PLB1: variants seen among roughly 807,000 people sequenced by gnomAD.
The protein encoded by PLB1 is phospholipase B1, membrane-associated.
PLB1 carries 242 observed loss-of-function variants against 227.4 expected under a neutral mutation model. The observed-to-expected ratio is 1.06, with a 90% CI of 0.96 to 1.18. The LOEUF (loss-of-function observed/expected upper bound fraction) is 1.18, where lower values mean the gene tolerates loss of function less well. Ranked by LOEUF, PLB1 falls within the 50% of genes most tolerant of loss-of-function variation. PLB1 has a pLI of 0.00. For synonymous variants in PLB1, 757 were observed against 682.2 expected, an observed-to-expected ratio of 1.11 and a Z score of -1.71; for missense variants, 1,858 against 1,816.3, an observed-to-expected ratio of 1.02 and a Z score of -0.42.
At chr2:28,505,341 A>G (rs1667531146) in intron 1 of PLB1, among the ~76,000 whole-genome samples, 1 of 152,248 alleles carries the variant, frequency 6.6e-6, no homozygotes, top group South Asian at 2.1e-4. Context: ...TCAACAAGCA[A>G]TACATATGAA....
intron 56 of PLB1, among the ~76,000 whole-genome samples, chr2:28,635,806 C>T (rs144102185): frequency 1.5e-4 from 23 of 152,128 alleles, no homozygotes; most frequent in African/African-American, 4.8e-4. Context: ...AGGCCTAGTC[C>T]TCTACTGCTG....
chr2:28,509,890 A>G (rs1668039690), intron 1 of PLB1, among the ~76,000 whole-genome samples: 1 of 152,206 alleles, frequency 6.6e-6, no homozygotes, highest in South Asian at 2.1e-4. Context: ...GCAGAGAAGT[A>G]GATTGACGGC....
At chr2:28,562,000 C>G (rs1216639015) in intron 17 of PLB1, among the ~76,000 whole-genome samples, 1 of 152,104 alleles carries the variant, frequency 6.6e-6, no homozygotes, top group Non-Finnish European at 1.5e-5. Flanking sequence ...TTATATGATT[C>G]TATGTACATG....
At chr2:28,547,192 A>C (rs1572893592) in intron 14 of PLB1, among the ~76,000 whole-genome samples, 1 of 118,056 alleles carries the variant, frequency 8.5e-6, no homozygotes, top group Admixed American at 1.0e-4. Context: ...TGAGAATGAG[A>C]CCCTGTCTCC....
intron 25 of PLB1, among the ~76,000 whole-genome samples, chr2:28,584,468 G>A (rs1295961463): frequency 6.6e-6 from 1 of 152,224 alleles, no homozygotes; most frequent in African/African-American, 2.4e-5. Flanking sequence ...GGGCCACACA[G>A]GGGATCGGTG....
chr2:28,618,492 A>G (rs576009849), intron 46 of PLB1, 93 bp downstream of exon 46: 355 of 1,339,626 alleles, frequency 2.6e-4, no homozygotes, highest in Non-Finnish European at 3.4e-4. Flanking sequence ...CTCCGCTTTC[A>G]GTGCTGAGCC....
chr2:28,618,386 G>A lies in PLB1; in HGVS notation c.3302G>A (p.Gly1101Asp), dbSNP rs1442657553. The change falls in exon 46 of 58, where the codon GGT (glycine) becomes GAT (aspartate). Residue 1101 changes from glycine to aspartate, a missense_variant. Transcript: ENST00000327757. ...PADIKVVAAL[G>D]DSLTTAVGAR... Reference sequence around the variant, plus strand: ...GACATCAAAGTGGTGGCCGCCCTGGGTGACTCTCTGACTGTGAGTAGTGAG... The same window carrying A: ...GACATCAAAGTGGTGGCCGCCCTGGATGACTCTCTGACTGTGAGTAGTGAG... 2 of 1,614,110 alleles carry A rather than the reference G, an allele frequency of 1.2e-6. No homozygotes were observed. Among genetic ancestry groups the A allele is most frequent in the Admixed American group, 1.7e-5 (1 of 60,020 alleles).
At chr2:28,603,938 G>A (rs753620566) in intron 39 of PLB1, 28 bp from the exon 40 acceptor site, 7 of 1,605,836 alleles carry the variant, frequency 4.4e-6, no homozygotes, top group Non-Finnish European at 6.0e-6. Context: ...TGAGCTCTGG[G>A]GCCTCCTGCC....
chr2:28,631,989 G>T, intron 54 of PLB1, 47 bp from the exon 55 acceptor site: 1 of 1,511,846 alleles, frequency 6.6e-7, no homozygotes, highest in Non-Finnish European at 9.2e-7. Context: ...GACCCTGTCT[G>T]TGCAGCCTTG....
intron 12 of PLB1, 103 bp downstream of exon 12, chr2:28,540,544 G>T: frequency 1.1e-6 from 1 of 914,848 alleles, no homozygotes; most frequent in Non-Finnish European, 1.7e-6. Context: ...GCTAATGTTA[G>T]GACTTCTCCA....
At chr2:28,628,781 G>A (rs550316191) in intron 52 of PLB1, among the ~76,000 whole-genome samples, 153 bp downstream of exon 52, 10 of 152,298 alleles carry the variant, frequency 6.6e-5, no homozygotes, top group Admixed American at 2.0e-4. Flanking sequence ...AAGCTCCTCT[G>A]CAGGGAAAAT....
chr2:28,497,957 G>A (rs1666659815), intron 1 of PLB1, among the ~76,000 whole-genome samples: 1 of 150,874 alleles, frequency 6.6e-6, no homozygotes, highest in Admixed American at 6.6e-5. Context: ...AATCTTAAGT[G>A]ATCTGCCTGC....
intron 52 of PLB1, 50 bp downstream of exon 52, chr2:28,628,678 A>C (rs999469969): frequency 6.4e-7 from 1 of 1,560,058 alleles, no homozygotes; most frequent in African/African-American, 1.4e-5. Flanking sequence ...CCTCCCTGGG[A>C]TGCATGTAGG....
intron 25 of PLB1, 159 bp from the exon 26 acceptor site, chr2:28,585,602 G>T: frequency 1.6e-6 from 1 of 631,380 alleles, no homozygotes; most frequent in Non-Finnish European, 2.8e-6. Context: ...GCTTCGTTTG[G>T]TATGGTCAGC....
chr2:28,529,923 C>T, intron 8 of PLB1, 144 bp downstream of exon 8: 1 of 652,334 alleles, frequency 1.5e-6, no homozygotes, highest in East Asian at 2.8e-5. Context: ...ATGTCTCTGC[C>T]ATTCTCTGGC....
chr2:28,580,981 G>A (rs1679830378), intron 23 of PLB1, among the ~76,000 whole-genome samples: 1 of 152,090 alleles, frequency 6.6e-6, no homozygotes, highest in African/African-American at 2.4e-5. Flanking sequence ...GAGTTTTCAA[G>A]CTGTGATCTG....
chr2:28,541,875 G>A lies in PLB1; in HGVS notation c.879+64G>A, dbSNP rs1004196047. ...GGGCCGGGCATGGTGGCTCACTCCT[G>A]TAATCCCAGCACTTTGGGAGGCCGA... On this transcript the variant is annotated intron_variant, in intron 13 of 57. Coordinates refer to ENST00000327757, the MANE Select transcript of PLB1 (RefSeq NM_153021.5). 7.6e-5 allele frequency: 102 copies of A among 1,347,620 alleles called. No homozygotes were observed. The South Asian group carries it at 7.7e-4, about 10-fold the overall frequency. 83.5% of individuals were successfully genotyped at this position (1,347,620 alleles called of 1,614,324 possible). A position where few individuals can be genotyped will look rare whatever the true frequency, so the allele number is the denominator to read the frequency against.
intron 23 of PLB1, among the ~76,000 whole-genome samples, chr2:28,581,155 T>G (rs1271443595): frequency 6.6e-6 from 1 of 152,146 alleles, no homozygotes; most frequent in African/African-American, 2.4e-5. Context: ...TGAGAAAGCT[T>G]TAAAACCGCA....
chr2:28,536,232 G>A (rs1671663389), intron 9 of PLB1, among the ~76,000 whole-genome samples: 1 of 152,322 alleles, frequency 6.6e-6, no homozygotes, highest in South Asian at 2.1e-4. Context: ...ACCAAAGTCA[G>A]AGAGTCAAGT....
Sources: allele counts gnomAD v4.1 joint callset (sites outside exome capture counted in the v4.1 genomes callset), GRCh38; gene constraint gnomAD v4.1.1; transcripts MANE v1.5; gene names NCBI Gene and HGNC (gene_info 2026-07-23, HGNC 2026-07-21).